The following DCUN1D4 variants were observed in gnomAD, a reference collection of about 807,000 sequenced individuals.
DCUN1D4 encodes the protein defective in cullin neddylation 1 domain containing 4.
Under a neutral mutation model 47.9 loss-of-function variants are expected in DCUN1D4, and 22 were observed. The observed-to-expected ratio is 0.46, with a 90% confidence interval of 0.33 to 0.66. The LOEUF is 0.66. Among genes scored for constraint, DCUN1D4 ranks in the 30% least tolerant of loss-of-function variants. The pLI is 0.02. For synonymous variants in DCUN1D4, 121 were observed against 112.2 expected, an observed-to-expected ratio of 1.08 and a Z score of -0.50; for missense variants, 301 against 340.8, an observed-to-expected ratio of 0.88 and a Z score of 0.92.
chr4:51,843,139 G>C (rs887440508), upstream of DCUN1D4: 278 of 1,502,896 alleles, frequency 1.8e-4, no homozygotes, highest in Non-Finnish European at 2.4e-4. Context: ...GGGAGTGCCC[G>C]GCGGCGGGTC....
chr4:51,834,076 C>CTTT, the DCUN1D4 span, among the ~76,000 whole-genome samples: 25 of 97,750 alleles, frequency 2.6e-4, no homozygotes, highest in Non-Finnish European at 3.6e-4. Context: ...CTCTCTCTCT[C>CTTT]TCTCTCTCTC....
At chr4:51,908,835 C>G (rs1391200139) in intron 8 of DCUN1D4, 4 of 452,692 alleles carry the variant, frequency 8.8e-6, no homozygotes, top group Non-Finnish European at 1.8e-5. Flanking sequence ...AGCCACAAGT[C>G]CACTCACAGG....
chr4:51,909,026 T>A, intron 8 of DCUN1D4: 5 of 455,996 alleles, frequency 1.1e-5, no homozygotes, highest in Non-Finnish European at 2.2e-5. Flanking sequence ...ATGCCTTTCC[T>A]CCGTGTTTTG....
chr4:51,913,208 A>C, intron 9 of DCUN1D4, 82 bp from the exon 10 acceptor site: 1 of 839,478 alleles, frequency 1.2e-6, no homozygotes, highest in South Asian at 1.9e-5. Flanking sequence ...GAACTTAATT[A>C]AGTTGATTCA....
intron 1 of DCUN1D4, among the ~76,000 whole-genome samples, chr4:51,861,841 C>G (rs1725100560): frequency 6.6e-6 from 1 of 152,170 alleles, no homozygotes; most frequent in Non-Finnish European, 1.5e-5. Flanking sequence ...GTTGAATGTT[C>G]AAGCTCCTCA....
intron 1 of DCUN1D4, among the ~76,000 whole-genome samples, chr4:51,859,807 G>A (rs1724752072): frequency 6.6e-6 from 1 of 152,160 alleles, no homozygotes; most frequent in Non-Finnish European, 1.5e-5. Flanking sequence ...GAGTTGCCAT[G>A]TCACACAGGA....
chr4:51,866,410 G>GA lies in DCUN1D4; in HGVS notation c.136+2701_136+2702insA, dbSNP rs1725922886. On this transcript the variant is annotated intron_variant, in intron 3 of 10. Transcript: ENST00000334635. Reference sequence around the variant, plus strand: ...TGATGATGATGATGATGATGATGATGTATTTTTTCCTTAAATACAAGTGTA... The same window carrying GA: ...TGATGATGATGATGATGATGATGATGATATTTTTTCCTTAAATACAAGTGTA... Among the ~76,000 whole-genome samples, 4 of 57,702 alleles carry GA rather than the reference G, an allele frequency of 6.9e-5. No individual in the cohort carries two copies. In the African/African-American group the frequency reaches 7.6e-4, roughly 11 times the overall value. 37.9% of individuals were successfully genotyped at this position (57,702 alleles called of 152,430 possible).
rs551277105 is a variant in DCUN1D4 at position 51,843,460 on chromosome 4, G to A, written c.25+193G>A. ...GGCGGCGTGGGGCGGGGGCGGGCGT[G>A]GGGGGAAGGGACCGGCCTGCGGGGA... On this transcript the variant is annotated intron_variant, in intron 1 of 10. Coordinates refer to ENST00000334635, the MANE Select transcript of DCUN1D4 (RefSeq NM_001040402.3). The A allele has an allele frequency of 5.7e-6, 7 of 1,220,436 alleles. No homozygotes were observed. The Admixed American group carries it at 1.7e-4, about 29-fold the overall frequency. 75.6% of individuals were successfully genotyped at this position (1,220,436 alleles called of 1,614,324 possible). A position where few individuals can be genotyped will look rare whatever the true frequency, so the allele number is the denominator to read the frequency against.
chr4:51,834,767 C>G, the DCUN1D4 span, among the ~76,000 whole-genome samples: 11 of 152,022 alleles, frequency 7.2e-5, no homozygotes, highest in African/African-American at 2.4e-4. Context: ...GAAAGGGGAG[C>G]AGAGGCTCCC....
At chr4:51,868,979 A>G (rs1236425367) in intron 3 of DCUN1D4, among the ~76,000 whole-genome samples, 2 of 151,964 alleles carry the variant, frequency 1.3e-5, no homozygotes, top group Non-Finnish European at 2.9e-5. Context: ...TTAGCTGGGC[A>G]TGGTGGTGCA....
At chr4:51,849,070 A>T (rs1306184166) in intron 1 of DCUN1D4, among the ~76,000 whole-genome samples, 1 of 152,126 alleles carries the variant, frequency 6.6e-6, no homozygotes, top group Non-Finnish European at 1.5e-5. Flanking sequence ...AACATATGTC[A>T]TCTTAGGCCT....
At chr4:51,911,282 TG>T (rs1733679369) in intron 9 of DCUN1D4, 108 bp downstream of exon 9, 1 of 996,122 alleles carries the variant, frequency 1.0e-6, no homozygotes, top group Admixed American at 2.3e-5. Context: ...TTTCTGCCTA[TG>T]TAGGAATTAC....
intron 1 of DCUN1D4, among the ~76,000 whole-genome samples, chr4:51,850,836 G>C (rs1316649150): frequency 2.0e-5 from 3 of 152,138 alleles, no homozygotes; most frequent in Non-Finnish European, 2.9e-5. Flanking sequence ...TTTAAGCTAA[G>C]CCCTGATGGA....
intron 3 of DCUN1D4, among the ~76,000 whole-genome samples, chr4:51,869,819 G>A (rs748202408): frequency 6.6e-6 from 1 of 152,176 alleles, no homozygotes; most frequent in Non-Finnish European, 1.5e-5. Context: ...TCTGATTAAT[G>A]TGGGAAGAAA....
At chr4:51,876,525 A>G (rs1012599305) in intron 4 of DCUN1D4, among the ~76,000 whole-genome samples, 2 of 152,198 alleles carry the variant, frequency 1.3e-5, no homozygotes, top group South Asian at 4.1e-4. Flanking sequence ...CATATGTAAC[A>G]AACCTGCACG....
At chr4:51,900,595 C>T (rs1731958359) in intron 8 of DCUN1D4, among the ~76,000 whole-genome samples, 1 of 151,862 alleles carries the variant, frequency 6.6e-6, no homozygotes, top group Admixed American at 6.6e-5. Flanking sequence ...TAAAAATTAG[C>T]CAGATATGGT....
chr4:51,912,894 T>TA (rs1438205961), intron 9 of DCUN1D4, among the ~76,000 whole-genome samples: 1 of 152,234 alleles, frequency 6.6e-6, no homozygotes, highest in Non-Finnish European at 1.5e-5. Context: ...ATTTAGCACT[T>TA]ACTTTGTGCC....
intron 7 of DCUN1D4, among the ~76,000 whole-genome samples, chr4:51,894,013 G>C (rs969408831): frequency 4.6e-5 from 7 of 152,138 alleles, no homozygotes; most frequent in African/African-American, 1.7e-4. Flanking sequence ...AGAGGTCTGC[G>C]TCTGCGTTCT....
At chr4:51,899,050 T>C (rs1262144184) in intron 7 of DCUN1D4, among the ~76,000 whole-genome samples, 2 of 152,210 alleles carry the variant, frequency 1.3e-5, no homozygotes, top group African/African-American at 4.8e-5. Context: ...AAAAGGTTAA[T>C]TGCTGGATCA....
Sources: gnomAD v4.1 joint callset for allele counts (sites outside exome capture counted in the v4.1 genomes callset) on GRCh38, gnomAD v4.1.1 for gene constraint, MANE v1.5 for transcripts, NCBI Gene and HGNC (gene_info 2026-07-23, HGNC 2026-07-21) for gene names.